The following RBM47 variants were observed in gnomAD, a reference collection of about 807,000 sequenced individuals.
The protein encoded by RBM47 is RNA binding motif protein 47.
In RBM47, 21 loss-of-function variants were observed where a neutral mutation model predicts 47.1. The observed-to-expected ratio is 0.45, with a 90% CI of 0.32 to 0.64. The LOEUF (loss-of-function observed/expected upper bound fraction) is 0.64. RBM47 is among the 30% of genes least tolerant of loss of function. The pLI, the probability that RBM47 is intolerant of heterozygous loss-of-function variation, is 0.05. For synonymous variants in RBM47, 375 were observed against 361.7 expected, an observed-to-expected ratio of 1.04 and a Z score of -0.42; for missense variants, 708 against 870.9, an observed-to-expected ratio of 0.81 and a Z score of 2.35.
chr4:40,541,109 C>T (rs137980090), intron 2 of RBM47, among the ~76,000 whole-genome samples: 20 of 150,724 alleles, frequency 1.3e-4, no homozygotes, highest in African/African-American at 4.1e-4. Flanking sequence ...GGAAACATGG[C>T]GAGACCTCAT....
At chr4:40,500,104 C>A (rs918884450) in intron 2 of RBM47, among the ~76,000 whole-genome samples, 7 of 152,178 alleles carry the variant, frequency 4.6e-5, no homozygotes, top group Admixed American at 6.6e-5. Context: ...CACCTGAGGC[C>A]AGGAGTTCGA....
chr4:40,629,914 G>C (rs1047526855), upstream of RBM47: 1 of 151,264 alleles, frequency 6.6e-6, no homozygotes, highest in African/African-American at 2.4e-5. Flanking sequence ...CCCGCCCCCT[G>C]CCGAGGCCAT....
At chr4:40,558,471 G>C (rs1730298621) in intron 1 of RBM47, among the ~76,000 whole-genome samples, 1 of 148,432 alleles carries the variant, frequency 6.7e-6, no homozygotes, top group Admixed American at 6.9e-5. Flanking sequence ...TTAAGGTCAG[G>C]AGTTCAAGAC....
At chr4:40,554,863 G>A (rs1357287602) in intron 1 of RBM47, among the ~76,000 whole-genome samples, 1 of 150,434 alleles carries the variant, frequency 6.6e-6, no homozygotes, top group Non-Finnish European at 1.5e-5. Context: ...CAGGGTTCAA[G>A]TGATTCTCCT....
At position 40,466,706 on chromosome 4, in the gene RBM47, G is replaced by A. The variant is rs1415887443; in HGVS notation, c.-154-7C>T. On this transcript the variant is annotated splice_polypyrimidine_tract_variant and splice_region_variant and intron_variant, in intron 2 of 6. Transcript: ENST00000295971. ...GTGCCCTTTGAGGCAAATCCTAAGG[G>A]TTAAAAAAGAAATGGTTAGAAATAT... 7.3e-6 allele frequency: 1 copy of A among 136,686 alleles called. No homozygotes were observed. Among genetic ancestry groups the A allele is most frequent in the East Asian group, 2.3e-4 (1 of 4,284 alleles). The allele number at this position is 136,686 out of a possible 1,614,324, so 8.5% of individuals were successfully genotyped here. A position where few individuals can be genotyped will look rare whatever the true frequency, so the allele number is the denominator to read the frequency against.
At chr4:40,443,892 CT>C (rs899514140) in intron 3 of RBM47, among the ~76,000 whole-genome samples, 6 of 151,914 alleles carry the variant, frequency 3.9e-5, no homozygotes, top group African/African-American at 1.4e-4. Flanking sequence ...ATGCCAAACA[CT>C]TAGATATATT....
At chr4:40,526,268 C>T (rs749955403) in intron 2 of RBM47, among the ~76,000 whole-genome samples, 5 of 152,174 alleles carry the variant, frequency 3.3e-5, no homozygotes, top group Admixed American at 6.5e-5. Flanking sequence ...CAATACAAAG[C>T]TGATCAAGCC....
At chr4:40,431,486 G>A (rs929550240) in intron 6 of RBM47, among the ~76,000 whole-genome samples, 2 of 151,930 alleles carry the variant, frequency 1.3e-5, no homozygotes, top group South Asian at 2.1e-4. Flanking sequence ...GTGAAACCCC[G>A]TCTCTACTAA....
chr4:40,448,857 T>A (rs1177910428), intron 3 of RBM47, among the ~76,000 whole-genome samples: 2 of 151,998 alleles, frequency 1.3e-5, no homozygotes, highest in Admixed American at 6.6e-5. Flanking sequence ...AATAACCTCA[T>A]GGTTTACAGA....
rs147896750 is a variant in RBM47 at position 40,449,618 on chromosome 4, A to G, written c.-31-10694T>C. 5.5e-3 allele frequency among the ~76,000 whole-genome samples: 833 copies of G among 152,184 alleles called. 5 individuals carry two copies. Among genetic ancestry groups the G allele is most frequent in the South Asian group, 0.015 (73 of 4,826 alleles). Reference sequence around the variant, plus strand: ...GAAGCCACCCTCCCGAAAGGGGTGGAGTGGGGAGATTTTCTGCAGGGGTTT... The same window carrying G: ...GAAGCCACCCTCCCGAAAGGGGTGGGGTGGGGAGATTTTCTGCAGGGGTTT... On this transcript the variant is annotated intron_variant, in intron 3 of 6. Transcript: ENST00000295971.
At chr4:40,490,393 A>C (rs138882326) in intron 2 of RBM47, among the ~76,000 whole-genome samples, 1 of 152,220 alleles carries the variant, frequency 6.6e-6, no homozygotes, top group Non-Finnish European at 1.5e-5. Flanking sequence ...AACCTAAGGA[A>C]TCCATTAAAA....
At chr4:40,623,029 G>A (rs1430916050) in intron 1 of RBM47, among the ~76,000 whole-genome samples, 1 of 152,212 alleles carries the variant, frequency 6.6e-6, no homozygotes, top group African/African-American at 2.4e-5. Context: ...AATGGAGAAA[G>A]GGCAAGACCT....
At chr4:40,608,444 G>C (rs1479394892) in intron 1 of RBM47, among the ~76,000 whole-genome samples, 4 of 152,200 alleles carry the variant, frequency 2.6e-5, no homozygotes, top group Non-Finnish European at 4.4e-5. Context: ...AGGCAGACTT[G>C]GAGATTAATT....
chr4:40,561,377 A>T (rs1730609112), intron 1 of RBM47, among the ~76,000 whole-genome samples: 1 of 151,420 alleles, frequency 6.6e-6, no homozygotes, highest in Non-Finnish European at 1.5e-5. Context: ...GATTACAGGC[A>T]TGCACCATTA....
intron 1 of RBM47, among the ~76,000 whole-genome samples, chr4:40,575,691 C>T (rs1173543110): frequency 6.6e-6 from 1 of 152,126 alleles, no homozygotes; most frequent in Non-Finnish European, 1.5e-5. Flanking sequence ...TACTGTGTGT[C>T]TGAGTGACCA....
intron 1 of RBM47, among the ~76,000 whole-genome samples, chr4:40,605,870 A>C (rs1735714781): frequency 6.6e-6 from 1 of 151,926 alleles, no homozygotes; most frequent in African/African-American, 2.4e-5. Context: ...TCCATTTAAG[A>C]AATGAGATAG....
chr4:40,583,775 G>A (rs905538892), intron 1 of RBM47, among the ~76,000 whole-genome samples: 2 of 150,250 alleles, frequency 1.3e-5, no homozygotes, highest in South Asian at 2.1e-4. Context: ...GGAGAATGGC[G>A]TGAACCCGGG....
intron 2 of RBM47, among the ~76,000 whole-genome samples, chr4:40,541,077 C>G (rs1367789653): frequency 6.6e-6 from 1 of 151,576 alleles, no homozygotes; most frequent in Non-Finnish European, 1.5e-5. Flanking sequence ...TCGCTTGAGC[C>G]CAGGAGTTCA....
chr4:40,510,217 C>T (rs1380817846), intron 2 of RBM47, among the ~76,000 whole-genome samples: 1 of 136,140 alleles, frequency 7.3e-6, no homozygotes, highest in Non-Finnish European at 1.6e-5. Context: ...AGTAAAGAAA[C>T]TTACATGGTA....
Sources: allele counts gnomAD v4.1 joint callset (sites outside exome capture counted in the v4.1 genomes callset), GRCh38; gene constraint gnomAD v4.1.1; transcripts MANE v1.5; gene names NCBI Gene and HGNC (gene_info 2026-07-23, HGNC 2026-07-21).